Variants in ACTR3C observed in about 807,000 individuals in gnomAD.
The protein encoded by ACTR3C is actin related protein 3C.
In ACTR3C, 18 loss-of-function variants were observed where a neutral mutation model predicts 26.3. The ratio of observed to expected loss-of-function variants is 0.68; its 90% CI spans 0.47 to 1.01. The LOEUF is 1.01. Among genes scored for constraint, ACTR3C ranks in the 50% least tolerant of loss-of-function variants. The pLI, the probability that ACTR3C is intolerant of heterozygous loss-of-function variation, is 0.00. For synonymous variants in ACTR3C, 55 were observed against 94.5 expected, an observed-to-expected ratio of 0.58 and a Z score of 2.42; for missense variants, 184 against 250.7, an observed-to-expected ratio of 0.73 and a Z score of 1.80.
chr7:150,162,483 G>A, the ACTR3C span, among the ~76,000 whole-genome samples: 5 of 151,918 alleles, frequency 3.3e-5, no homozygotes, highest in South Asian at 2.1e-4. Flanking sequence ...CCACCACTAC[G>A]CCCAGCTAAT....
chr7:150,160,815 T>C, the ACTR3C span, among the ~76,000 whole-genome samples: 1 of 151,290 alleles, frequency 6.6e-6, no homozygotes, highest in African/African-American at 2.4e-5. Flanking sequence ...ACCCTACAGA[T>C]ATTTGTCAAA....
chr7:150,027,203 A>G, the ACTR3C span, among the ~76,000 whole-genome samples: 1 of 152,046 alleles, frequency 6.6e-6, no homozygotes, highest in Non-Finnish European at 1.5e-5. Flanking sequence ...AATTCCTGAT[A>G]GTACACAGTG....
chr7:149,990,711 A>C, the ACTR3C span, among the ~76,000 whole-genome samples: 2 of 150,658 alleles, frequency 1.3e-5, no homozygotes, highest in Non-Finnish European at 3.0e-5. Flanking sequence ...GGAACTCAAG[A>C]TGTTTTCTGA....
chr7:149,902,571 CAAG>C, the ACTR3C span, among the ~76,000 whole-genome samples: 1 of 97,054 alleles, frequency 1.0e-5, no homozygotes, highest in Non-Finnish European at 2.2e-5. Flanking sequence ...GCCTGGGCAA[CAAG>C]AGAGACCCCC....
At chr7:149,973,633 G>T in the ACTR3C span, among the ~76,000 whole-genome samples, 2 of 151,974 alleles carry the variant, frequency 1.3e-5, no homozygotes, top group Non-Finnish European at 2.9e-5. Context: ...AATTGATATT[G>T]GTCAAACACA....
chr7:150,314,722 C>T (rs1796670350), intron 1 of ACTR3C, among the ~76,000 whole-genome samples: 1 of 150,448 alleles, frequency 6.6e-6, no homozygotes, highest in South Asian at 2.1e-4. Context: ...GTGGGTGGAT[C>T]CCTTGAGCCC....
At chr7:149,999,607 T>G in the ACTR3C span, among the ~76,000 whole-genome samples, 1 of 151,562 alleles carries the variant, frequency 6.6e-6, no homozygotes, top group Non-Finnish European at 1.5e-5. Context: ...GATATGTAGT[T>G]GGCTGGTTCC....
At chr7:149,939,181 T>C in the ACTR3C span, among the ~76,000 whole-genome samples, 1 of 152,018 alleles carries the variant, frequency 6.6e-6, no homozygotes, top group Non-Finnish European at 1.5e-5. Context: ...AATTTCTCCA[T>C]GTTGGTCAGG....
the ACTR3C span, among the ~76,000 whole-genome samples, chr7:149,967,028 A>ATTTTT: frequency 0.53 from 33,764 of 64,258 alleles, 12,023 homozygotes; most frequent in South Asian, 0.75. Flanking sequence ...TGCACAGCTA[A>ATTTTT]TTTTTTTTTT....
the ACTR3C span, among the ~76,000 whole-genome samples, chr7:149,950,449 A>G: frequency 6.6e-6 from 1 of 151,162 alleles, no homozygotes; most frequent in African/African-American, 2.5e-5. Flanking sequence ...CAATCTTTAA[A>G]ACATTTTGTT....
chr7:150,249,213 T>C, intron 6 of ACTR3C, among the ~76,000 whole-genome samples, 159 bp from the exon 7 acceptor site: 1 of 152,220 alleles, frequency 6.6e-6, no homozygotes, highest in Admixed American at 6.5e-5. Flanking sequence ...CCAATTCAAA[T>C]GGTAGCAGAT....
the ACTR3C span, among the ~76,000 whole-genome samples, chr7:150,229,860 C>T: frequency 6.6e-6 from 1 of 151,936 alleles, no homozygotes; most frequent in African/African-American, 2.4e-5. Context: ...CCACTTGCTG[C>T]TCTTTCTGTT....
intron 4 of ACTR3C, among the ~76,000 whole-genome samples, chr7:150,288,604 T>C (rs1323874723): frequency 2.0e-5 from 3 of 148,068 alleles, no homozygotes; most frequent in Admixed American, 1.3e-4. Context: ...TTGGATCAAA[T>C]AGTCAAATAT....
chr7:150,236,754 G>A, the ACTR3C span, among the ~76,000 whole-genome samples: 3 of 150,418 alleles, frequency 2.0e-5, no homozygotes, highest in Non-Finnish European at 4.4e-5. Context: ...TGCCCCTGGA[G>A]TGTACCCCGT....
At chr7:150,023,052 C>T in the ACTR3C span, among the ~76,000 whole-genome samples, 1 of 150,654 alleles carries the variant, frequency 6.6e-6, no homozygotes, top group Non-Finnish European at 1.5e-5. Flanking sequence ...ACCCTATTTC[C>T]CCGAAGGTTA....
the ACTR3C span, among the ~76,000 whole-genome samples, chr7:150,160,860 A>G: frequency 2.7e-5 from 4 of 149,474 alleles, no homozygotes; most frequent in Admixed American, 2.0e-4. Flanking sequence ...TGATTTATAC[A>G]TTAATTACAG....
the ACTR3C span, chr7:150,048,004 C>A: frequency 8.3e-7 from 1 of 1,205,326 alleles, no homozygotes; most frequent in African/African-American, 1.6e-5. Context: ...GCGACCGCTC[C>A]TCCCGCGCGC....
the ACTR3C span, among the ~76,000 whole-genome samples, chr7:149,934,094 C>G: frequency 2.6e-5 from 4 of 151,966 alleles, no homozygotes; most frequent in African/African-American, 9.7e-5. Flanking sequence ...CCACACAACA[C>G]TAGCAAGTTC....
the ACTR3C span, among the ~76,000 whole-genome samples, chr7:149,978,531 T>A: frequency 8.6e-5 from 13 of 152,028 alleles, no homozygotes; most frequent in African/African-American, 2.7e-4. Flanking sequence ...AAAGCTAATA[T>A]GTTGTCATGT....
Sources: gnomAD v4.1 joint callset for allele counts (sites outside exome capture counted in the v4.1 genomes callset) on GRCh38, gnomAD v4.1.1 for gene constraint, MANE v1.5 for transcripts, NCBI Gene and HGNC (gene_info 2026-07-23, HGNC 2026-07-21) for gene names.